The following METTL15 variants were observed in gnomAD, a reference collection of about 807,000 sequenced individuals.
The protein encoded by METTL15 is 12S rRNA N(4)-cytidine methyltransferase METTL15.
Under a neutral mutation model 38.3 loss-of-function variants are expected in METTL15, and 34 were observed. The observed-to-expected ratio is 0.89, with a 90% CI of 0.68 to 1.18. The LOEUF (loss-of-function observed/expected upper bound fraction) is 1.18. Ranked by LOEUF, METTL15 falls within the 50% of genes most tolerant of loss-of-function variation. The pLI, the probability that METTL15 is intolerant of heterozygous loss-of-function variation, is 0.00. For missense variants in METTL15, 438 were observed against 498.4 expected (o/e 0.88, Z 1.15); for synonymous variants, 162 against 170.9 (o/e 0.95, Z 0.41).
chr11:28,137,604 A>T (rs1849556354), intron 3 of METTL15, among the ~76,000 whole-genome samples: 1 of 152,222 alleles, frequency 6.6e-6, no homozygotes, highest in Non-Finnish European at 1.5e-5. Flanking sequence ...CAAGTCAAAC[A>T]GTTCTCAAAA....
intron 3 of METTL15, among the ~76,000 whole-genome samples, chr11:28,199,166 AT>A (rs1334953762): frequency 2.6e-5 from 4 of 152,062 alleles, no homozygotes; most frequent in African/African-American, 9.7e-5. Flanking sequence ...AGTGAAGGTA[AT>A]TTAATTTATT....
At chr11:28,515,740 A>G (rs2582914) in intron 6 of METTL15, among the ~76,000 whole-genome samples, 6,147 of 152,316 alleles carry the variant, frequency 0.04, 401 homozygotes, top group African/African-American at 0.14. Context: ...TCTACATTGA[A>G]CCAGCAGGAA....
At chr11:28,392,602 A>T (rs1030993340) in intron 5 of METTL15, among the ~76,000 whole-genome samples, 7 of 152,114 alleles carry the variant, frequency 4.6e-5, no homozygotes, top group Non-Finnish European at 1.0e-4. Context: ...TTTTGCAGTG[A>T]TTTATTGGAT....
intron 4 of METTL15, among the ~76,000 whole-genome samples, chr11:28,232,609 A>C (rs988152955): frequency 2.0e-4 from 30 of 151,938 alleles, no homozygotes; most frequent in African/African-American, 7.2e-4. Context: ...TGTGTCTTCT[A>C]GCATTTTTCA....
chr11:28,317,039 C>T (rs1413835884), intron 6 of METTL15, among the ~76,000 whole-genome samples: 1 of 152,122 alleles, frequency 6.6e-6, no homozygotes, highest in Non-Finnish European at 1.5e-5. Flanking sequence ...AATTTCAGTT[C>T]TTTCCTTTAA....
intron 5 of METTL15, among the ~76,000 whole-genome samples, chr11:28,374,124 G>T (rs1485264914): frequency 2.0e-5 from 3 of 152,100 alleles, no homozygotes; most frequent in Non-Finnish European, 4.4e-5. Context: ...TGTTCTTTTG[G>T]CTTAGGATTG....
intron 4 of METTL15, among the ~76,000 whole-genome samples, chr11:28,253,940 C>G (rs1854859515): frequency 6.6e-6 from 1 of 152,170 alleles, no homozygotes. Flanking sequence ...CTACAACAAA[C>G]ATGGGAGTGC....
chr11:28,228,192 TA>T (rs1459325518), intron 4 of METTL15, among the ~76,000 whole-genome samples: 2 of 151,888 alleles, frequency 1.3e-5, no homozygotes, highest in Non-Finnish European at 2.9e-5. Context: ...CCCTTGTGTG[TA>T]ATCAGTAAGG....
At chr11:28,334,491 A>C (rs576905727), downstream of METTL15, among the ~76,000 whole-genome samples, 1 of 152,108 alleles carries the variant, frequency 6.6e-6, no homozygotes, top group Non-Finnish European at 1.5e-5. Flanking sequence ...GCATTTAAAC[A>C]TAAAGAGAAT....
chr11:28,319,927 G>A (rs556995509), intron 6 of METTL15, among the ~76,000 whole-genome samples: 1 of 152,266 alleles, frequency 6.6e-6, no homozygotes, highest in South Asian at 2.1e-4. Context: ...AAAATGCTGT[G>A]CGATACAGAG....
At chr11:28,211,233 G>A in intron 4 of METTL15, 35 bp downstream of exon 4, 1 of 1,580,374 alleles carries the variant, frequency 6.3e-7, no homozygotes, top group Non-Finnish European at 8.6e-7. Context: ...TTTGATTTTG[G>A]TTCTTAGTTT....
chr11:28,239,455 C>T (rs918418469), intron 4 of METTL15, among the ~76,000 whole-genome samples: 2 of 152,180 alleles, frequency 1.3e-5, no homozygotes, highest in Non-Finnish European at 2.9e-5. Context: ...TTAGCATTAC[C>T]ACCCTGGTCC....
intron 4 of METTL15, among the ~76,000 whole-genome samples, chr11:28,254,727 G>T (rs1372059539): frequency 2.6e-5 from 4 of 152,034 alleles, no homozygotes; most frequent in African/African-American, 9.7e-5. Flanking sequence ...GCCATTTATT[G>T]AAGACTCTCC....
intron 5 of METTL15, among the ~76,000 whole-genome samples, chr11:28,370,014 A>T (rs1172170479): frequency 6.6e-6 from 1 of 152,152 alleles, no homozygotes; most frequent in Non-Finnish European, 1.5e-5. Context: ...ATTTATAAAG[A>T]TCAAATCAGT....
intron 6 of METTL15, among the ~76,000 whole-genome samples, chr11:28,512,543 A>G (rs1238330959): frequency 6.6e-6 from 1 of 152,088 alleles, no homozygotes; most frequent in Non-Finnish European, 1.5e-5. Context: ...CTGCTGGGGG[A>G]CCCAGTACAC....
chr11:28,150,981 C>G (rs374030433), intron 3 of METTL15, among the ~76,000 whole-genome samples: 8 of 144,094 alleles, frequency 5.6e-5, no homozygotes, highest in Non-Finnish European at 1.1e-4. Context: ...GAGGAAATTC[C>G]CATCTGTTCA....
At chr11:28,451,939 G>A (rs1383556109) in intron 6 of METTL15, among the ~76,000 whole-genome samples, 1 of 152,220 alleles carries the variant, frequency 6.6e-6, no homozygotes, top group Non-Finnish European at 1.5e-5. Context: ...CCCCCATAAT[G>A]TAGACTGAAT....
chr11:28,409,516 G>A (rs1850707365), intron 5 of METTL15, among the ~76,000 whole-genome samples: 1 of 151,598 alleles, frequency 6.6e-6, no homozygotes, highest in Non-Finnish European at 1.5e-5. Context: ...TAAGCAACAT[G>A]CTCCTGAACA....
chr11:28,174,211 CTTTTA>C (rs1206220977), intron 3 of METTL15, among the ~76,000 whole-genome samples: 1 of 152,098 alleles, frequency 6.6e-6, no homozygotes, highest in Non-Finnish European at 1.5e-5. Context: ...TTTGTCCAAT[CTTTTA>C]TTTATATCAG....
Sources: allele counts gnomAD v4.1 joint callset (sites outside exome capture counted in the v4.1 genomes callset), GRCh38; gene constraint gnomAD v4.1.1; transcripts MANE v1.5; gene names NCBI Gene and HGNC (gene_info 2026-07-23, HGNC 2026-07-21).